Variants in GALNT9 observed in about 807,000 individuals in gnomAD.
The protein encoded by GALNT9 is polypeptide N-acetylgalactosaminyltransferase 9, also known as GalNAc transferase 9.
In GALNT9, 47 loss-of-function variants were observed where a neutral mutation model predicts 63.1. The observed-to-expected ratio is 0.75, with a 90% CI of 0.59 to 0.95. GALNT9 has a LOEUF of 0.95. GALNT9 is among the 40% of genes least tolerant of loss of function. The pLI, the probability that GALNT9 is intolerant of heterozygous loss-of-function variation, is 0.00. For synonymous variants in GALNT9, 396 were observed against 365.7 expected (o/e 1.08, Z -0.94); for missense variants, 829 against 874.8 (o/e 0.95, Z 0.66).
chr12:132,304,249 A>G (rs1243930914), intron 1 of GALNT9, among the ~76,000 whole-genome samples: 3 of 29,156 alleles, frequency 1.0e-4, no homozygotes, highest in African/African-American at 4.2e-4. Context: ...CCTCACCCAG[A>G]CACACCCTCA....
chr12:132,221,033 GTGAGA>G (rs1877420799), intron 6 of GALNT9, among the ~76,000 whole-genome samples: 1 of 127,434 alleles, frequency 7.8e-6, no homozygotes, highest in African/African-American at 3.1e-5. Flanking sequence ...CTCCAGCCTG[GTGAGA>G]GTGAGATTGT....
intron 5 of GALNT9, among the ~76,000 whole-genome samples, chr12:132,256,998 C>CG (rs1232126849): frequency 1.3e-5 from 2 of 152,112 alleles, no homozygotes; most frequent in Non-Finnish European, 2.9e-5. Flanking sequence ...AGAGCTGGAA[C>CG]GGGGGGCTTC....
intron 6 of GALNT9, among the ~76,000 whole-genome samples, chr12:132,228,281 C>T (rs1565993122): frequency 6.6e-6 from 1 of 151,990 alleles, no homozygotes; most frequent in Non-Finnish European, 1.5e-5. Context: ...CGGCGTCCCT[C>T]CCCAGCGTCC....
chr12:132,301,039 T>C (rs1881277477), intron 1 of GALNT9, among the ~76,000 whole-genome samples: 1 of 152,272 alleles, frequency 6.6e-6, no homozygotes, highest in Admixed American at 6.5e-5. Flanking sequence ...CTTTGCTTCC[T>C]TTAATCCCCA....
At chr12:132,272,197 T>A (rs544961172) in intron 2 of GALNT9, among the ~76,000 whole-genome samples, 1 of 152,226 alleles carries the variant, frequency 6.6e-6, no homozygotes, top group African/African-American at 2.4e-5. Flanking sequence ...AGGCTTCTGT[T>A]ACGAGCGAGC....
At chr12:132,324,323 C>A (rs930347154) in intron 1 of GALNT9, among the ~76,000 whole-genome samples, 2 of 152,202 alleles carry the variant, frequency 1.3e-5, no homozygotes, top group African/African-American at 4.8e-5. Flanking sequence ...CGAGCCTGTG[C>A]GCCTCCAGCC....
At position 132,247,994 on chromosome 12, in the gene GALNT9, C is replaced by T. The variant is rs1015259200; in HGVS notation, c.993G>A (p.Val331=). 73 of 1,551,468 alleles carry T rather than the reference C, an allele frequency of 4.7e-5. No homozygotes were observed. Among genetic ancestry groups the T allele is most frequent in the Admixed American group, 2.7e-4 (14 of 51,014 alleles). The change falls in exon 6 of 11, where the codon GTG becomes GTA. Residue 331 remains valine (V), a synonymous_variant. Coordinates refer to ENST00000328957, the MANE Select transcript of GALNT9 (RefSeq NM_001122636.2). The part of the protein sequence containing the change: ...TPAMIGCSFV[V]DREYFGDIGL... ...CAATGTCTCCGAAGTACTCGCGGTC[C>T]ACTACGAAGGAGCAGCCGATCATGG...
At chr12:132,267,919 TCACACACATGCA>T (rs1383868844) in intron 2 of GALNT9, among the ~76,000 whole-genome samples, 5 of 129,884 alleles carry the variant, frequency 3.8e-5, no homozygotes, top group Admixed American at 2.2e-4. Flanking sequence ...CCACATGCAC[TCACACACATGCA>T]CACACACACG....
At position 132,199,173 on chromosome 12, in the gene GALNT9, C is replaced by T; in HGVS notation, c.1497+1G>A. The T allele has an allele frequency of 2.5e-6, 4 of 1,593,478 alleles. No individual in the cohort carries two copies. The highest frequency in any genetic ancestry group is 3.4e-6 in the Non-Finnish European group (4 of 1,171,146). Reference sequence around the variant, plus strand: ...GCATGGGTGGCCGCTGCTACTCCTACCTGGGAGGACATCCCGTGGCAGGGG... The same window carrying T: ...GCATGGGTGGCCGCTGCTACTCCTATCTGGGAGGACATCCCGTGGCAGGGG... On this transcript the variant is annotated splice_donor_variant, in intron 9 of 10. Transcript: ENST00000328957. LOFTEE classifies it high-confidence loss of function.
At chr12:132,211,823 C>T (rs897017406) in intron 6 of GALNT9, among the ~76,000 whole-genome samples, 4 of 152,202 alleles carry the variant, frequency 2.6e-5, no homozygotes, top group African/African-American at 4.8e-5. Context: ...CAGCCAGACT[C>T]CAAACTTGGT....
chr12:132,285,234 G>T (rs1337269195), intron 2 of GALNT9, among the ~76,000 whole-genome samples: 3 of 152,232 alleles, frequency 2.0e-5, no homozygotes, highest in Non-Finnish European at 2.9e-5. Context: ...GTGAAACGCG[G>T]CCCCACTGGG....
chr12:132,323,015 C>T (rs973311474), intron 1 of GALNT9, among the ~76,000 whole-genome samples: 9 of 152,218 alleles, frequency 5.9e-5, no homozygotes, highest in African/African-American at 2.2e-4. Flanking sequence ...TCCAGCGCCT[C>T]CCGGCTTCTC....
At chr12:132,205,213 C>G (rs572359083) in intron 6 of GALNT9, 2 of 152,252 alleles carry the variant, frequency 1.3e-5, no homozygotes, top group Non-Finnish European at 2.9e-5. Flanking sequence ...CTGCATCCTC[C>G]GGGGGTCGCC....
chr12:132,214,030 C>T (rs576875274), intron 6 of GALNT9, among the ~76,000 whole-genome samples: 2 of 152,302 alleles, frequency 1.3e-5, no homozygotes, highest in East Asian at 1.9e-4. Context: ...CCAGGTCAGG[C>T]GTGGGGATGG....
intron 1 of GALNT9, among the ~76,000 whole-genome samples, chr12:132,303,486 G>C (rs1464079776): frequency 3.3e-4 from 6 of 18,054 alleles, no homozygotes; most frequent in Admixed American, 1.8e-3. Flanking sequence ...CCCGGGCACA[G>C]AATCGCCCAG....
chr12:132,203,970 C>T (rs1276144432), intron 6 of GALNT9, among the ~76,000 whole-genome samples: 2 of 152,108 alleles, frequency 1.3e-5, no homozygotes, highest in African/African-American at 2.4e-5. Context: ...TCTACCGACC[C>T]CAACACTTAA....
chr12:132,204,284 A>G (rs1876476638), intron 6 of GALNT9, among the ~76,000 whole-genome samples: 1 of 152,214 alleles, frequency 6.6e-6, no homozygotes, highest in East Asian at 1.9e-4. Flanking sequence ...CTTAAGCAAT[A>G]CCAGCCTTCC....
At position 132,246,778 on chromosome 12, in the gene GALNT9, A is replaced by G. The variant is rs1593082929; in HGVS notation, c.1077+1132T>C. ...GAACTTCTGACCTCATGATCCACCC[A>G]CCTCTGCCTCCCACAGTGTTGGGAT... On this transcript the variant is annotated intron_variant, in intron 6 of 10. Coordinates refer to ENST00000328957, the MANE Select transcript of GALNT9 (RefSeq NM_001122636.2). This position sits in a 1 kb window ranked among gnomAD's most constrained non-coding sequence, Gnocchi z 4.7. Among the ~76,000 whole-genome samples, 1 of 152,036 alleles carries G rather than the reference A, an allele frequency of 6.6e-6. No individual in the cohort carries two copies. Among genetic ancestry groups the G allele is most frequent in the Non-Finnish European group, 1.5e-5 (1 of 68,020 alleles).
chr12:132,243,523 G>A (rs1482116110), intron 6 of GALNT9, among the ~76,000 whole-genome samples: 1 of 150,548 alleles, frequency 6.6e-6, no homozygotes. Flanking sequence ...CGTAGGGGCA[G>A]CTCTGGTGTT....
Sources: allele counts gnomAD v4.1 joint callset (sites outside exome capture counted in the v4.1 genomes callset), GRCh38; gene constraint gnomAD v4.1.1; non-coding constraint Gnocchi (gnomAD v3.1); transcripts MANE v1.5; gene names NCBI Gene and HGNC (gene_info 2026-07-23, HGNC 2026-07-21).